SCD5: variants seen among roughly 807,000 people sequenced by gnomAD.
SCD5 encodes the protein stearoyl-CoA desaturase 5.
Under a neutral mutation model 30.4 loss-of-function variants are expected in SCD5, and 20 were observed. The observed-to-expected ratio is 0.66, with a 90% CI of 0.46 to 0.96. The LOEUF is 0.96. Ranked by LOEUF, SCD5 falls within the 40% of genes least tolerant of loss-of-function variation. The pLI, the probability that SCD5 is intolerant of heterozygous loss-of-function variation, is 0.00. For missense variants in SCD5, 381 were observed against 443.3 expected (o/e 0.86, Z 1.26); for synonymous variants, 173 against 176.4 (o/e 0.98, Z 0.16).
intron 4 of SCD5, among the ~76,000 whole-genome samples, chr4:82,633,181 G>A (rs77589586): frequency 0.26 from 39,644 of 151,770 alleles, 6,110 homozygotes; most frequent in African/African-American, 0.43. Context: ...CCACCATTCT[G>A]CTCTACTTCG....
intron 3 of SCD5, among the ~76,000 whole-genome samples, chr4:82,646,437 T>C (rs930791595): frequency 3.3e-5 from 5 of 152,164 alleles, no homozygotes; most frequent in African/African-American, 1.2e-4. Flanking sequence ...CATTTTGGGG[T>C]AGCTCTGTGG....
At chr4:82,679,287 G>GGAAGGAAAGAAA (rs1560531782) in intron 3 of SCD5, among the ~76,000 whole-genome samples, 7 of 126,322 alleles carry the variant, frequency 5.5e-5, no homozygotes, top group African/African-American at 2.0e-4. Context: ...AAAGAAGGAA[G>GGAAGGAAAGAAA]GAAAGAAAGA....
chr4:82,687,359 T>C (rs1301136088), intron 2 of SCD5, among the ~76,000 whole-genome samples: 1 of 152,180 alleles, frequency 6.6e-6, no homozygotes, highest in East Asian at 1.9e-4. Context: ...GGTGACTCTT[T>C]TTTATTTTGT....
intron 3 of SCD5, among the ~76,000 whole-genome samples, chr4:82,654,315 A>G (rs1727824622): frequency 1.3e-5 from 2 of 152,224 alleles, no homozygotes; most frequent in Admixed American, 1.3e-4. Flanking sequence ...GAGCCTGTCC[A>G]AAGCCAATTT....
In SCD5 at chr4:82,705,198, G is replaced by A. The variant is rs866959221; in HGVS notation, c.363+85C>T. On this transcript the variant is annotated intron_variant, in intron 2 of 4. Coordinates refer to ENST00000319540, the MANE Select transcript of SCD5 (RefSeq NM_001037582.3). ...GAACACTGAGTCTAGGACAGGGGTGGAGGGGTGTCAGCCCATCTTTCCCCT... is the reference window on the plus strand; with the variant it reads ...GAACACTGAGTCTAGGACAGGGGTGAAGGGGTGTCAGCCCATCTTTCCCCT... The A allele has an allele frequency of 4.6e-5, 71 of 1,529,940 alleles. No individual in the cohort carries two copies. The Middle Eastern group carries it at 1.3e-3, about 28-fold the overall frequency. The allele number at this position is 1,529,940 out of a possible 1,614,324, so 94.8% of individuals were successfully genotyped here. A position where few individuals can be genotyped will look rare whatever the true frequency, so the allele number is the denominator to read the frequency against.
intron 3 of SCD5, among the ~76,000 whole-genome samples, chr4:82,653,088 A>T (rs1727790350): frequency 6.6e-6 from 1 of 152,160 alleles, no homozygotes; most frequent in South Asian, 2.1e-4. Flanking sequence ...TGGGAGGTGG[A>T]GGCTCCAGTG....
intron 1 of SCD5, among the ~76,000 whole-genome samples, chr4:82,724,939 T>G (rs1449169942): frequency 6.6e-6 from 1 of 152,184 alleles, no homozygotes; most frequent in Non-Finnish European, 1.5e-5. Flanking sequence ...AGGTAACTAT[T>G]AATAAGAAAC....
At chr4:82,768,942 C>CT (rs56979468) in intron 1 of SCD5, among the ~76,000 whole-genome samples, 4,701 of 141,150 alleles carry the variant, frequency 0.033, 147 homozygotes, top group African/African-American at 0.088. Context: ...AAACCTAAGA[C>CT]TTTTTTTTTT....
At chr4:82,685,737 A>C (rs1289404232) in intron 2 of SCD5, among the ~76,000 whole-genome samples, 1 of 152,002 alleles carries the variant, frequency 6.6e-6, no homozygotes, top group East Asian at 1.9e-4. Flanking sequence ...CAAAAAAAAA[A>C]ACTAAAAACA....
intron 1 of SCD5, among the ~76,000 whole-genome samples, chr4:82,778,685 T>G (rs1175709872): frequency 6.6e-6 from 1 of 152,166 alleles, no homozygotes; most frequent in Non-Finnish European, 1.5e-5. Flanking sequence ...GGCGTTTCTG[T>G]CCAGGTAGTA....
intron 1 of SCD5, among the ~76,000 whole-genome samples, chr4:82,769,982 T>A (rs1721582756): frequency 6.6e-6 from 1 of 152,206 alleles, no homozygotes; most frequent in African/African-American, 2.4e-5. Context: ...TGCATTTGTT[T>A]TTCCCCTCCC....
chr4:82,753,269 C>T, intron 1 of SCD5: 1 of 476,880 alleles, frequency 2.1e-6, no homozygotes, highest in Admixed American at 2.2e-5. Flanking sequence ...AATTAATCCA[C>T]ATTCTCTAGA....
chr4:82,693,656 G>A (rs1719615668), intron 2 of SCD5, among the ~76,000 whole-genome samples: 1 of 152,160 alleles, frequency 6.6e-6, no homozygotes, highest in African/African-American at 2.4e-5. Flanking sequence ...AACACCCCTG[G>A]GGTGAGAGGC....
intron 2 of SCD5, among the ~76,000 whole-genome samples, chr4:82,687,283 G>GCCAT (rs1208561150): frequency 6.6e-6 from 1 of 151,922 alleles, no homozygotes; most frequent in Non-Finnish European, 1.5e-5. Flanking sequence ...TTTAAGCATG[G>GCCAT]GAAAAACAAA....
chr4:82,740,525 T>A (rs1445892075), intron 1 of SCD5, among the ~76,000 whole-genome samples: 1 of 152,218 alleles, frequency 6.6e-6, no homozygotes, highest in Non-Finnish European at 1.5e-5. Context: ...CAATAAGCTT[T>A]GGAGGGTATC....
At chr4:82,672,917 C>T (rs1240318167) in intron 3 of SCD5, among the ~76,000 whole-genome samples, 3 of 152,030 alleles carry the variant, frequency 2.0e-5, no homozygotes, top group African/African-American at 7.2e-5. Flanking sequence ...TGTAATCTAC[C>T]ACATTACAGG....
chr4:82,679,282 AGG>A (rs768762052), intron 3 of SCD5, among the ~76,000 whole-genome samples: 20 of 112,710 alleles, frequency 1.8e-4, no homozygotes, highest in Non-Finnish European at 2.8e-4. Flanking sequence ...GAAAGAAAGA[AGG>A]AAGGAAAGAA....
intron 1 of SCD5, among the ~76,000 whole-genome samples, chr4:82,768,861 T>A (rs1041973134): frequency 6.6e-6 from 1 of 151,744 alleles, no homozygotes; most frequent in Non-Finnish European, 1.5e-5. Flanking sequence ...AGAGGTGTAG[T>A]GTGAAGGTGG....
At chr4:82,637,433 G>C (rs1327908359) in intron 3 of SCD5, among the ~76,000 whole-genome samples, 1 of 152,204 alleles carries the variant, frequency 6.6e-6, no homozygotes, top group Non-Finnish European at 1.5e-5. Context: ...CCCATAGTTT[G>C]AGTTCTGGAC....
Sources: gnomAD v4.1 joint callset for allele counts (sites outside exome capture counted in the v4.1 genomes callset) on GRCh38, gnomAD v4.1.1 for gene constraint, MANE v1.5 for transcripts, NCBI Gene and HGNC (gene_info 2026-07-23, HGNC 2026-07-21) for gene names.